Variants in NRG2 observed in about 807,000 individuals in gnomAD.
NRG2 encodes pro-neuregulin-2, membrane-bound isoform.
In NRG2, 27 loss-of-function variants were observed where a neutral mutation model predicts 73.9. That is an observed-to-expected ratio of 0.37 (90% CI 0.27 to 0.50). The LOEUF is 0.50. Among genes scored for constraint, NRG2 ranks in the 20% least tolerant of loss-of-function variants. The probability of loss-of-function intolerance (pLI) is 0.96; values close to 1 mark genes in which losing one functional copy is unlikely to be tolerated. For synonymous variants in NRG2, 532 were observed against 541.0 expected, an observed-to-expected ratio of 0.98 and a Z score of 0.23; for missense variants, 1,126 against 1,210.1, an observed-to-expected ratio of 0.93 and a Z score of 1.03.
At chr5:139,987,909 G>T (rs1251677332) in intron 1 of NRG2, among the ~76,000 whole-genome samples, 1 of 151,844 alleles carries the variant, frequency 6.6e-6, no homozygotes, top group East Asian at 1.9e-4. Flanking sequence ...CGAGTAGCTG[G>T]GACTATAGGC....
intron 1 of NRG2, among the ~76,000 whole-genome samples, chr5:139,913,587 G>A (rs1377937731): frequency 2.0e-5 from 3 of 152,198 alleles, no homozygotes; most frequent in Non-Finnish European, 4.4e-5. Flanking sequence ...GAGAGCCTTT[G>A]TGCCCTCTCC....
In NRG2 at chr5:139,887,233, G is replaced by A; in HGVS notation, c.872+107C>T. The A allele has an allele frequency of 2.3e-6, 3 of 1,315,076 alleles. No individual in the cohort carries two copies. The highest frequency in any genetic ancestry group is 3.2e-6 in the Non-Finnish European group (3 of 931,016). 81.5% of individuals were successfully genotyped at this position (1,315,076 alleles called of 1,614,324 possible). A position where few individuals can be genotyped will look rare whatever the true frequency, so the allele number is the denominator to read the frequency against. ...GGAGAGGGGCTGGGACTGGTTCCAT[G>A]GGTGAGTCTGGGGGCACAGCCCTGG... is the stretch of plus-strand genomic sequence containing the variant. On this transcript the variant is annotated intron_variant, in intron 2 of 9. Transcript: ENST00000361474. The surrounding 1 kb of genome is among the most constrained non-coding windows in gnomAD (Gnocchi z 4.5).
chr5:139,937,715 A>G (rs908247675), intron 1 of NRG2, among the ~76,000 whole-genome samples: 26 of 152,340 alleles, frequency 1.7e-4, no homozygotes, highest in African/African-American at 6.0e-4. Flanking sequence ...CTATGACATA[A>G]CTGAAATGTA....
intron 1 of NRG2, among the ~76,000 whole-genome samples, chr5:139,987,773 T>C (rs1404597334): frequency 9.0e-6 from 1 of 110,916 alleles, no homozygotes; most frequent in Non-Finnish European, 1.8e-5. Context: ...CTGCAGGTTG[T>C]TTTTTTTTTT....
intron 1 of NRG2, among the ~76,000 whole-genome samples, chr5:139,987,759 AT>A (rs1472941638): frequency 1.4e-5 from 2 of 146,920 alleles, no homozygotes; most frequent in Admixed American, 1.4e-4. Flanking sequence ...TAAGAATTTC[AT>A]TTCTGCAGGT....
At chr5:139,924,819 C>T (rs1453066600) in intron 1 of NRG2, among the ~76,000 whole-genome samples, 2 of 152,164 alleles carry the variant, frequency 1.3e-5, no homozygotes, top group African/African-American at 2.4e-5. Flanking sequence ...GAGGTCTCTT[C>T]GCTGCTACTT....
rs1761796463 is a variant in NRG2 at position 139,856,144 on chromosome 5, A to G, written c.1190-366T>C. 1 of 262,376 alleles carries G rather than the reference A, an allele frequency of 3.8e-6. No individual in the cohort carries two copies. Among genetic ancestry groups the G allele is most frequent in the South Asian group, 6.8e-5 (1 of 14,750 alleles). 16.3% of individuals were successfully genotyped at this position (262,376 alleles called of 1,614,324 possible). On this transcript the variant is annotated intron_variant, in intron 5 of 9. Transcript: ENST00000361474. This position sits in a 1 kb window ranked among gnomAD's most constrained non-coding sequence, Gnocchi z 4.2. Reference sequence around the variant, plus strand: ...GGAGGACAGCTCAGTCTGGCCGGTGACCCTGCCCTGCTCCACAGTGGCCTG... The same window carrying G: ...GGAGGACAGCTCAGTCTGGCCGGTGGCCCTGCCCTGCTCCACAGTGGCCTG...
At chr5:139,978,717 T>C (rs975483363) in intron 1 of NRG2, among the ~76,000 whole-genome samples, 1 of 152,194 alleles carries the variant, frequency 6.6e-6, no homozygotes, top group East Asian at 1.9e-4. Context: ...ATTCACAATA[T>C]TGTGAGACTC....
At chr5:139,959,182 TTTTGTTTG>T (rs71574472) in intron 1 of NRG2, among the ~76,000 whole-genome samples, 8 of 151,792 alleles carry the variant, frequency 5.3e-5, no homozygotes, top group Non-Finnish European at 7.4e-5. Context: ...CTTCCTTGTG[TTTTGTTTG>T]TTTGTTTGTT....
intron 1 of NRG2, among the ~76,000 whole-genome samples, chr5:139,913,273 G>A (rs1053964926): frequency 2.8e-4 from 42 of 152,226 alleles, no homozygotes; most frequent in African/African-American, 9.4e-4. Context: ...CCCTGTATCC[G>A]TTTCTTATAC....
intron 1 of NRG2, among the ~76,000 whole-genome samples, chr5:139,975,001 G>C (rs1398677627): frequency 6.6e-6 from 1 of 152,246 alleles, no homozygotes; most frequent in Non-Finnish European, 1.5e-5. Flanking sequence ...AGCAGCCAAT[G>C]TGCCTCTGGA....
At chr5:140,026,052 G>C (rs1192802025) in intron 1 of NRG2, among the ~76,000 whole-genome samples, 1 of 152,206 alleles carries the variant, frequency 6.6e-6, no homozygotes, top group Non-Finnish European at 1.5e-5. Flanking sequence ...GAAGGAAGAG[G>C]AGGCAAGAAA....
intron 1 of NRG2, among the ~76,000 whole-genome samples, chr5:139,909,987 G>A (rs766845938): frequency 3.3e-5 from 5 of 152,214 alleles, no homozygotes; most frequent in Non-Finnish European, 5.9e-5. Context: ...TCGTGCCTCT[G>A]CCTCCCTCAG....
At chr5:140,000,798 T>C (rs994398106) in intron 1 of NRG2, among the ~76,000 whole-genome samples, 1 of 152,218 alleles carries the variant, frequency 6.6e-6, no homozygotes, top group Non-Finnish European at 1.5e-5. Flanking sequence ...TAGATTCCTA[T>C]AGGAACTTCC....
rs1759074587 is a variant in NRG2, at chr5:140,008,378, A to G, written c.700+33992T>C. Reference sequence around the variant, plus strand: ...AACTGTTTGCTGCATTTATTCAACAAATATTTATTGAGCACCTATTATGTG... The same window carrying G: ...AACTGTTTGCTGCATTTATTCAACAGATATTTATTGAGCACCTATTATGTG... On this transcript the variant is annotated intron_variant, in intron 1 of 9. Coordinates refer to ENST00000361474, the MANE Select transcript of NRG2 (RefSeq NM_004883.3). This position sits in a 1 kb window ranked among gnomAD's most constrained non-coding sequence, Gnocchi z 4.2. Among the ~76,000 whole-genome samples, 1 of 152,148 alleles carries G rather than the reference A, an allele frequency of 6.6e-6. No homozygotes were observed. Among genetic ancestry groups the G allele is most frequent in the Non-Finnish European group, 1.5e-5 (1 of 68,018 alleles).
At chr5:139,980,637 C>T (rs1481290370) in intron 1 of NRG2, among the ~76,000 whole-genome samples, 2 of 152,178 alleles carry the variant, frequency 1.3e-5, no homozygotes, top group Non-Finnish European at 2.9e-5. Context: ...CACTTTCAAC[C>T]CCAATGAGCT....
chr5:139,851,710 G>C lies in NRG2; in HGVS notation c.1666C>G (p.Arg556Gly), dbSNP rs749131738. ...KCNSPACVEA[R>G]ARRAAAYNLE... ...TTGTAGGCTGCTGCCCGCCTTGCCC[G>C]GGCCTCCACACATGCTGGGCTGTTG... The change falls in exon 9 of 10, where the codon CGG becomes GGG. Residue 556 changes from arginine to glycine, a missense_variant. Arg to Gly is a moderately radical substitution (Grantham distance 125, BLOSUM62 -2). Around this residue, in one of 3 missense-constraint regions of NRG2, gnomAD observed 539 missense variants for 703.2 expected, o/e 0.77. Transcript: ENST00000361474. This position sits in a 1 kb window ranked among gnomAD's most constrained non-coding sequence, Gnocchi z 4.2. 3.7e-6 allele frequency: 6 copies of C among 1,614,084 alleles called. No homozygotes were observed. The highest frequency in any genetic ancestry group is 2.7e-5 in the African/African-American group (2 of 74,944).
At chr5:139,855,623 G>C in intron 6 of NRG2, 53 bp downstream of exon 6, 1 of 1,424,650 alleles carries the variant, frequency 7.0e-7, no homozygotes, top group Non-Finnish European at 9.9e-7. Flanking sequence ...ACACATTCTT[G>C]GAGGCCCATC....
intron 2 of NRG2, among the ~76,000 whole-genome samples, chr5:139,881,472 C>T (rs1157037315): frequency 1.3e-5 from 2 of 152,176 alleles, no homozygotes; most frequent in African/African-American, 2.4e-5. Flanking sequence ...GGGGCTCTCC[C>T]TTGTTCTCAA....
Sources: gnomAD v4.1 joint callset for allele counts (sites outside exome capture counted in the v4.1 genomes callset) on GRCh38, gnomAD v4.1.1 for gene constraint, gnomAD v4.1.1 regional missense constraint, Gnocchi (gnomAD v3.1) non-coding constraint, MANE v1.5 for transcripts, NCBI Gene and HGNC (gene_info 2026-07-23, HGNC 2026-07-21) for gene names.